Variants in KDM4C observed in about 807,000 individuals in gnomAD.
The protein encoded by KDM4C is lysine demethylase 4C, also known as lysine-specific demethylase 4C.
A neutral mutation model predicts 129.3 loss-of-function variants in KDM4C; 81 were observed. The observed-to-expected ratio is 0.63, with a 90% CI of 0.52 to 0.75. The LOEUF (loss-of-function observed/expected upper bound fraction) is 0.75, where lower values mean the gene tolerates loss of function less well. KDM4C is among the 30% of genes least tolerant of loss of function. The pLI is 0.00. For synonymous variants in KDM4C, 573 were observed against 456.1 expected (o/e 1.26, Z -3.26); for missense variants, 1,457 against 1,304.0 (o/e 1.12, Z -1.81).
chr9:7,091,125 A>G (rs1835749249), intron 17 of KDM4C, among the ~76,000 whole-genome samples: 2 of 152,112 alleles, frequency 1.3e-5, no homozygotes, highest in Non-Finnish European at 2.9e-5. Flanking sequence ...GAGTTCATGA[A>G]TATTTCAAAT....
intron 8 of KDM4C, among the ~76,000 whole-genome samples, chr9:6,934,884 TC>T (rs1166438394): frequency 1.4e-5 from 2 of 140,292 alleles, no homozygotes; most frequent in Admixed American, 7.0e-5. Flanking sequence ...AAATAATATT[TC>T]TTTTTTTTTT....
At chr9:7,079,441 A>C (rs555905321) in intron 17 of KDM4C, among the ~76,000 whole-genome samples, 1 of 151,262 alleles carries the variant, frequency 6.6e-6, no homozygotes, top group African/African-American at 2.4e-5. Context: ...TCCTGCCTCA[A>C]CCTCCCAAGT....
At chr9:6,816,533 C>A (rs1197706779) in intron 4 of KDM4C, among the ~76,000 whole-genome samples, 1 of 152,182 alleles carries the variant, frequency 6.6e-6, no homozygotes, top group South Asian at 2.1e-4. Context: ...AGTGTGCATT[C>A]TTTTATGTCT....
intron 4 of KDM4C, among the ~76,000 whole-genome samples, chr9:6,833,980 A>G (rs1053346295): frequency 4.0e-5 from 6 of 151,144 alleles, no homozygotes; most frequent in South Asian, 2.1e-4. Flanking sequence ...CTTGTCAGTA[A>G]GATCCTGCCG....
intron 4 of KDM4C, among the ~76,000 whole-genome samples, chr9:6,847,947 CTA>C (rs1176466917): frequency 6.6e-6 from 1 of 152,182 alleles, no homozygotes; most frequent in Non-Finnish European, 1.5e-5. Context: ...CAGAACAACT[CTA>C]AAAGCTTTTA....
intron 17 of KDM4C, among the ~76,000 whole-genome samples, chr9:7,069,734 A>G (rs899955471): frequency 6.6e-6 from 1 of 152,290 alleles, no homozygotes; most frequent in Non-Finnish European, 1.5e-5. Flanking sequence ...CATTTTTTTC[A>G]CAAGGAAATG....
intron 3 of KDM4C, among the ~76,000 whole-genome samples, chr9:6,808,551 C>T (rs1420290796): frequency 6.7e-6 from 1 of 148,276 alleles, no homozygotes; most frequent in African/African-American, 2.5e-5. Context: ...GGGACACAAA[C>T]ACTGCGGAAG....
At chr9:7,104,243 C>G (rs1307692202) in intron 18 of KDM4C, 2 of 195,732 alleles carry the variant, frequency 1.0e-5, no homozygotes, top group African/African-American at 4.5e-5. Flanking sequence ...GCGAGGGGAT[C>G]ACCACCTGAG....
rs75785257 is a variant in KDM4C at position 6,972,739 on chromosome 9, G to T, written c.922-8186G>T. On this transcript the variant is annotated intron_variant, in intron 8 of 21. Coordinates refer to ENST00000381309, the MANE Select transcript of KDM4C (RefSeq NM_015061.6). ...AGTTAGTTCTGCGTGTTGGATACCT[G>T]TTGGGTTTAAACTGATTTAAATCCA... Among the ~76,000 whole-genome samples, 35 of 152,288 alleles carry T rather than the reference G, an allele frequency of 2.3e-4. 2 individuals carry two copies. In the East Asian group the frequency reaches 6.4e-3, roughly 28 times the overall value.
chr9:7,027,832 C>G (rs960112437), intron 15 of KDM4C, among the ~76,000 whole-genome samples: 1 of 152,200 alleles, frequency 6.6e-6, no homozygotes, highest in Non-Finnish European at 1.5e-5. Context: ...CCTTTCTTTC[C>G]CATTTCTACT....
rs776140176 is a variant in KDM4C at position 6,893,225 on chromosome 9, C to T, written c.914C>T (p.Ala305Val). 4 of 1,607,454 alleles carry T rather than the reference C, an allele frequency of 2.5e-6. No individual in the cohort carries two copies. In the East Asian group the frequency reaches 6.7e-5, roughly 27 times the overall value. The change falls in exon 8 of 22, where the codon GCC (alanine) becomes GTC (valine). Residue 305 changes from alanine (A) to valine (V), a missense_variant. Transcript: ENST00000381309. ...AGATGGATTGACTATGGAAAAGTTG[C>T]CAAATTGGTAAGCTATGCCTCAAAA... is the stretch of plus-strand genomic sequence containing the variant. ...TVRWIDYGKVAKLCTCRKDMV... is the reference protein window; with the variant it reads ...TVRWIDYGKVVKLCTCRKDMV...
At chr9:7,016,641 G>T (rs1823747447) in intron 15 of KDM4C, among the ~76,000 whole-genome samples, 1 of 151,150 alleles carries the variant, frequency 6.6e-6, no homozygotes, top group Non-Finnish European at 1.5e-5. Context: ...AGTCAGGCTG[G>T]TCTTGAACTC....
chr9:6,984,497 C>G (rs117620167), intron 10 of KDM4C, 93 bp downstream of exon 10: 3 of 797,190 alleles, frequency 3.8e-6, no homozygotes, highest in African/African-American at 1.7e-5. Context: ...AAGTATCTGA[C>G]TAGTCCACAT....
In KDM4C at chr9:6,949,462, C is replaced by G. The variant is rs552155126; in HGVS notation, c.922-31463C>G. ...GTGGCGGCTGGGCAGAGGCTGTAATCTCGGCACTTTGGGAGGCCAAGGCAG... is the reference window on the plus strand; with the variant it reads ...GTGGCGGCTGGGCAGAGGCTGTAATGTCGGCACTTTGGGAGGCCAAGGCAG... On this transcript the variant is annotated intron_variant, in intron 8 of 21. Coordinates refer to ENST00000381309, the MANE Select transcript of KDM4C (RefSeq NM_015061.6). Among the ~76,000 whole-genome samples the G allele has an allele frequency of 3.9e-5, 6 of 152,338 alleles. No homozygotes were observed. In the South Asian group the frequency reaches 1.2e-3, roughly 32 times the overall value.
chr9:7,120,868 A>G (rs1032240712), intron 18 of KDM4C, among the ~76,000 whole-genome samples: 1 of 152,204 alleles, frequency 6.6e-6, no homozygotes, highest in African/African-American at 2.4e-5. Context: ...TTTTCAGCAT[A>G]TCAGTTGAAT....
chr9:7,104,741 C>T (rs898448106), intron 18 of KDM4C, among the ~76,000 whole-genome samples: 1 of 152,196 alleles, frequency 6.6e-6, no homozygotes, highest in Non-Finnish European at 1.5e-5. Flanking sequence ...CTTTGTTTTC[C>T]CTGAGAGACT....
chr9:6,979,390 T>C (rs2131796529), intron 8 of KDM4C, among the ~76,000 whole-genome samples: 1 of 152,310 alleles, frequency 6.6e-6, no homozygotes, highest in Non-Finnish European at 1.5e-5. Context: ...CCGGCTAGTA[T>C]GCAGGAAGGT....
chr9:6,990,720 A>G (rs1818595078), intron 12 of KDM4C, among the ~76,000 whole-genome samples, 196 bp downstream of exon 12: 1 of 152,170 alleles, frequency 6.6e-6, no homozygotes, highest in South Asian at 2.1e-4. Context: ...CATATAAGCT[A>G]GCCTTATTAC....
chr9:6,958,786 C>T (rs900039028), intron 8 of KDM4C, among the ~76,000 whole-genome samples: 3 of 151,230 alleles, frequency 2.0e-5, no homozygotes, highest in East Asian at 1.9e-4. Flanking sequence ...CTTCCACCTC[C>T]GCCTCCCATG....
Sources: gnomAD v4.1 joint callset for allele counts (sites outside exome capture counted in the v4.1 genomes callset) on GRCh38, gnomAD v4.1.1 for gene constraint, MANE v1.5 for transcripts, NCBI Gene and HGNC (gene_info 2026-07-23, HGNC 2026-07-21) for gene names.